The following CYLD variants were observed in gnomAD, a reference collection of about 807,000 sequenced individuals.
The protein encoded by CYLD is CYLD lysine 63 deubiquitinase.
Under a neutral mutation model 104.5 loss-of-function variants are expected in CYLD, and 26 were observed. The ratio of observed to expected loss-of-function variants is 0.25; its 90% CI spans 0.18 to 0.35. CYLD has a LOEUF of 0.35. Among genes scored for constraint, CYLD ranks in the 10% least tolerant of loss-of-function variants. The probability of loss-of-function intolerance (pLI) is 1.00; values close to 1 mark genes in which losing one functional copy is unlikely to be tolerated. For missense variants in CYLD, 703 were observed against 1,136.1 expected (o/e 0.62, Z 5.48); for synonymous variants, 385 against 399.9 (o/e 0.96, Z 0.45).
At chr16:50,775,898 G>C (rs1287051625) in intron 6 of CYLD, among the ~76,000 whole-genome samples, 1 of 152,148 alleles carries the variant, frequency 6.6e-6, no homozygotes, top group Non-Finnish European at 1.5e-5. Context: ...AAATAAAATT[G>C]ACTACAAGTG....
rs2150991663 is a variant in CYLD, at chr16:50,779,973, C to T, written c.1447C>T (p.Pro483Ser). ...ATTGGCTGAAGTTAAGGAGAACCCT[C>T]CTTTCTATGGGGTAATCCGTTGGAT... Reference protein sequence around the residue: ...GSLAEVKENPPFYGVIRWIGQ... With the variant: ...GSLAEVKENPSFYGVIRWIGQ... The change falls in exon 9 of 19, where the codon CCT becomes TCT. Residue 483 changes from proline (P) to serine (S), a missense_variant. Pro to Ser is a moderately conservative substitution (Grantham distance 74, BLOSUM62 -1). Around this residue, in one of 5 missense-constraint regions of CYLD, gnomAD observed 183 missense variants for 212.1 expected, o/e 0.86. Transcript: ENST00000427738. 1 of 1,614,138 alleles carries T rather than the reference C, an allele frequency of 6.2e-7. No individual in the cohort carries two copies. Among genetic ancestry groups the T allele is most frequent in the South Asian group, 1.1e-5 (1 of 91,078 alleles).
intron 5 of CYLD, among the ~76,000 whole-genome samples, chr16:50,757,559 C>CG (rs1242377479): frequency 6.7e-6 from 1 of 149,664 alleles, no homozygotes; most frequent in Admixed American, 6.7e-5. Flanking sequence ...TTTTTTGAGA[C>CG]GGGGTCTCGC....
At chr16:50,774,068 A>T (rs550963560) in intron 5 of CYLD, among the ~76,000 whole-genome samples, 2 of 152,354 alleles carry the variant, frequency 1.3e-5, no homozygotes, top group East Asian at 3.9e-4. Flanking sequence ...CAAAGGGAAG[A>T]GCACTTGCTT....
chr16:50,747,759 C>T (rs1188567262), intron 2 of CYLD, among the ~76,000 whole-genome samples: 1 of 152,110 alleles, frequency 6.6e-6, no homozygotes, highest in Non-Finnish European at 1.5e-5. Flanking sequence ...AGACAGTGCC[C>T]TCAAGTGGAA....
Position 50,793,668 on chromosome 16 carries a change from A to C in CYLD, c.2469+4A>C, listed in dbSNP as rs762818175. ...TTGTAAAACCTGCAACACTCAAGTG[A>C]GCTTCCCTTCACTTAATGGATAAAC... On this transcript the variant is annotated splice_donor_region_variant and intron_variant, in intron 17 of 18. Transcript: ENST00000427738. The C allele has an allele frequency of 2.5e-6, 4 of 1,575,746 alleles. No individual in the cohort carries two copies. Among genetic ancestry groups the C allele is most frequent in the Non-Finnish European group, 1.7e-6 (2 of 1,145,232 alleles).
intron 5 of CYLD, among the ~76,000 whole-genome samples, chr16:50,766,428 A>G (rs1049662732): frequency 6.6e-6 from 1 of 152,248 alleles, no homozygotes; most frequent in African/African-American, 2.4e-5. Context: ...GCTTTGATGG[A>G]GATGCACAAG....
intron 5 of CYLD, among the ~76,000 whole-genome samples, chr16:50,769,599 A>G (rs894454262): frequency 6.6e-6 from 1 of 152,174 alleles, no homozygotes; most frequent in African/African-American, 2.4e-5. Flanking sequence ...AGCATTTCAG[A>G]TTATTATAGA....
intron 2 of CYLD, among the ~76,000 whole-genome samples, chr16:50,744,302 C>T (rs187860873): frequency 3.3e-5 from 5 of 152,080 alleles, no homozygotes; most frequent in South Asian, 2.1e-4. Flanking sequence ...TTTCTGGCCA[C>T]GGAATCTCTG....
chr16:50,794,796 T>A lies in CYLD; in HGVS notation c.2686+368T>A. On this transcript the variant is annotated intron_variant, in intron 18 of 18. Transcript: ENST00000427738. This position sits in a 1 kb window ranked among gnomAD's most constrained non-coding sequence, Gnocchi z 4.1. ...CCACCATGCCTGGCTAATTTTTGTA[T>A]TTTTAGTAGAGATGGGCTTCTGCCA... The A allele has an allele frequency of 3.1e-6, 1 of 326,660 alleles. No homozygotes were observed. The highest frequency in any genetic ancestry group is 5.9e-6 in the Non-Finnish European group (1 of 168,268). 20.2% of individuals were successfully genotyped at this position (326,660 alleles called of 1,614,324 possible). A position where few individuals can be genotyped will look rare whatever the true frequency, so the allele number is the denominator to read the frequency against.
chr16:50,754,250 T>G (rs1393791071), intron 4 of CYLD, 69 bp from the exon 5 acceptor site: 3 of 1,036,708 alleles, frequency 2.9e-6, no homozygotes, highest in Non-Finnish European at 4.5e-6. Context: ...GGATTCTTTA[T>G]GGAAAATACA....
At position 50,779,822 on chromosome 16, in the gene CYLD, T is replaced by C; in HGVS notation, c.1296T>C (p.Ser432=). The change falls in exon 9 of 19, where the codon AGT becomes AGC. Residue 432 remains serine (S), a synonymous_variant. Coordinates refer to ENST00000427738, the MANE Select transcript of CYLD (RefSeq NM_001378743.1). The stretch of plus-strand genomic sequence containing the variant: ...CCAAGATGCCCAATACCAATGGAAG[T>C]ATTGGCCACAGTCCACTTTCTCTGT... ...SLTKMPNTNG[S]IGHSPLSLSA... 6.2e-7 allele frequency: 1 copy of C among 1,613,538 alleles called. No homozygotes were observed. The highest frequency in any genetic ancestry group is 8.5e-7 in the Non-Finnish European group (1 of 1,179,948).
Position 50,750,113 on chromosome 16 carries a change from G to T in CYLD, c.415G>T (p.Glu139Ter). 6.2e-7 allele frequency: 1 copy of T among 1,614,116 alleles called. No homozygotes were observed. Among genetic ancestry groups the T allele is most frequent in the East Asian group, 2.2e-5 (1 of 44,878 alleles). ...TGTGAAAGTACAGCTGAGATCTGGG[G>T]AAGAAAAATTTCCTGGAGTTGTACG... ...CPVKVQLRSG[E>*]EKFPGVVRFR... The change falls in exon 3 of 19, where the codon GAA becomes TAA. Residue 139 changes from glutamate to a stop codon, truncating the protein, a stop_gained. Coordinates refer to ENST00000427738, the MANE Select transcript of CYLD (RefSeq NM_001378743.1). LOFTEE classifies it high-confidence loss of function.
rs1279214547 is a variant in CYLD, at chr16:50,801,014, T to C, written c.*4506T>C. On this transcript the variant is annotated 3_prime_UTR_variant, in exon 19 of 19. Transcript: ENST00000427738. ...CCAGGATTCTGCGGGTGTCAGGGGA[T>C]TGCCCCTCTTGACAGAGACTAGGGT... is the stretch of plus-strand genomic sequence containing the variant. The C allele has an allele frequency of 2.1e-5, 5 of 233,426 alleles. No homozygotes were observed. In the East Asian group the frequency reaches 3.0e-4, roughly 14 times the overall value. 14.5% of individuals were successfully genotyped at this position (233,426 alleles called of 1,614,324 possible).
In CYLD at chr16:50,798,277, A is replaced by G. The variant is rs1469983960; in HGVS notation, c.*1769A>G. ...CTCGGTATCTGCAGGTTTCTCATCCATGGATTCAACCAACTGCAAATGGAA... is the reference window on the plus strand; with the variant it reads ...CTCGGTATCTGCAGGTTTCTCATCCGTGGATTCAACCAACTGCAAATGGAA... On this transcript the variant is annotated 3_prime_UTR_variant, in exon 19 of 19. Coordinates refer to ENST00000427738, the MANE Select transcript of CYLD (RefSeq NM_001378743.1). The G allele has an allele frequency of 8.6e-6, 2 of 232,156 alleles. No individual in the cohort carries two copies. Among genetic ancestry groups the G allele is most frequent in the African/African-American group, 2.2e-5 (1 of 45,306 alleles). The allele number at this position is 232,156 out of a possible 1,614,324, so 14.4% of individuals were successfully genotyped here.
chr16:50,761,506 C>T (rs1463814979), intron 5 of CYLD, among the ~76,000 whole-genome samples: 1 of 152,132 alleles, frequency 6.6e-6, no homozygotes, highest in Non-Finnish European at 1.5e-5. Flanking sequence ...GTCCTTATGA[C>T]TTTGCTTACT....
chr16:50,750,691 AT>A (rs773910229), intron 3 of CYLD, among the ~76,000 whole-genome samples: 3 of 152,200 alleles, frequency 2.0e-5, no homozygotes, highest in Non-Finnish European at 4.4e-5. Flanking sequence ...TTGCAGACAT[AT>A]ATATTTTAGA....
In CYLD at chr16:50,799,259, G is replaced by A. The variant is rs1437251159; in HGVS notation, c.*2751G>A. 8.6e-6 allele frequency: 2 copies of A among 233,210 alleles called. No homozygotes were observed. Among genetic ancestry groups the A allele is most frequent in the Non-Finnish European group, 1.7e-5 (2 of 118,042 alleles). 14.4% of individuals were successfully genotyped at this position (233,210 alleles called of 1,614,324 possible). On this transcript the variant is annotated 3_prime_UTR_variant, in exon 19 of 19. Transcript: ENST00000427738. ...ATTCATGATTACAAGTAGAAAATAT[G>A]TCATGTTCCTCACCTCCAAATAAAT...
At chr16:50,775,101 T>G (rs1969535647) in intron 5 of CYLD, 65 bp from the exon 6 acceptor site, 1 of 1,411,570 alleles carries the variant, frequency 7.1e-7, no homozygotes, top group East Asian at 2.3e-5. Flanking sequence ...ATGTAAAAAT[T>G]TTCCTATTTC....
In CYLD at chr16:50,794,309, G is replaced by A. The variant is rs2151039173; in HGVS notation, c.2567G>A (p.Cys856Tyr). The change falls in exon 18 of 19, where the codon TGC (cysteine) becomes TAC (tyrosine). Residue 856 changes from cysteine (C) to tyrosine (Y), a missense_variant. By Grantham distance (194) the Cys-to-Tyr change is radical. This residue lies in a region of CYLD where 130 missense variants were observed against 220.2 expected (regional missense o/e 0.59). Transcript: ENST00000427738. The surrounding 1 kb of genome is among the most constrained non-coding windows in gnomAD (Gnocchi z 4.1). Reference sequence around the variant, plus strand: ...GACTGGAGACACGGCTGCATCCCTTGCCAGAATATGGAGTTATTTGCTGTT... The same window carrying A: ...GACTGGAGACACGGCTGCATCCCTTACCAGAATATGGAGTTATTTGCTGTT... ...DWDWRHGCIP[C>Y]QNMELFAVLC... The A allele has an allele frequency of 6.2e-7, 1 of 1,614,160 alleles. No homozygotes were observed. The highest frequency in any genetic ancestry group is 2.2e-5 in the East Asian group (1 of 44,886).
Sources: gnomAD v4.1 joint callset for allele counts (sites outside exome capture counted in the v4.1 genomes callset) on GRCh38, gnomAD v4.1.1 for gene constraint, gnomAD v4.1.1 regional missense constraint, Gnocchi (gnomAD v3.1) non-coding constraint, MANE v1.5 for transcripts, NCBI Gene and HGNC (gene_info 2026-07-23, HGNC 2026-07-21) for gene names.